The following SAE1 variants were observed in gnomAD, a reference collection of about 807,000 sequenced individuals.
The protein encoded by SAE1 is SUMO1 activating enzyme subunit 1, also known as SUMO-activating enzyme subunit 1.
Under a neutral mutation model 40.6 loss-of-function variants are expected in SAE1, and 11 were observed. The observed-to-expected ratio is 0.27, with a 90% CI of 0.17 to 0.45. The LOEUF (loss-of-function observed/expected upper bound fraction) is 0.45. Among genes scored for constraint, SAE1 ranks in the 20% least tolerant of loss-of-function variants. SAE1 has a pLI of 1.00. For missense variants in SAE1, 373 were observed against 427.3 expected (o/e 0.87, Z 1.12); for synonymous variants, 155 against 154.3 (o/e 1.00, Z -0.03).
chr19:47,201,305 C>T (rs1163328043), intron 7 of SAE1, among the ~76,000 whole-genome samples: 1 of 144,414 alleles, frequency 6.9e-6, no homozygotes, highest in African/African-American at 2.6e-5. Flanking sequence ...GCTTGGCCTC[C>T]GAAAGTGCTG....
chr19:47,186,538 C>A (rs1455542805), intron 6 of SAE1, among the ~76,000 whole-genome samples: 1 of 152,088 alleles, frequency 6.6e-6, no homozygotes, highest in Non-Finnish European at 1.5e-5. Context: ...GGGTGCAGGT[C>A]CCTCAGCCTT....
At chr19:47,135,905 G>A (rs1407306159) in intron 1 of SAE1, among the ~76,000 whole-genome samples, 4 of 152,056 alleles carry the variant, frequency 2.6e-5, no homozygotes, top group South Asian at 4.1e-4. Context: ...CCAGGTTCAC[G>A]CCATTCTCCT....
chr19:47,178,195 G>A (rs2058482702), intron 6 of SAE1, among the ~76,000 whole-genome samples: 2 of 143,204 alleles, frequency 1.4e-5, no homozygotes, highest in Non-Finnish European at 3.1e-5. Context: ...GTGAGCTGAG[G>A]TCGCGCCACT....
intron 1 of SAE1, among the ~76,000 whole-genome samples, chr19:47,139,405 C>T (rs925494757): frequency 2.6e-5 from 4 of 151,852 alleles, no homozygotes; most frequent in South Asian, 2.1e-4. Flanking sequence ...AGGCTGGTTT[C>T]GAACTCATGG....
At chr19:47,207,035 C>G (rs2058690134) in intron 8 of SAE1, among the ~76,000 whole-genome samples, 1 of 152,080 alleles carries the variant, frequency 6.6e-6, no homozygotes, top group Non-Finnish European at 1.5e-5. Context: ...GTAGCTCATG[C>G]CTGTAATTCC....
At chr19:47,151,860 T>A (rs1032313454) in intron 3 of SAE1, among the ~76,000 whole-genome samples, 1 of 152,248 alleles carries the variant, frequency 6.6e-6, no homozygotes, top group Non-Finnish European at 1.5e-5. Context: ...GTGTAATGCG[T>A]GTGCATGGGG....
chr19:47,192,010 C>A (rs1292061386), intron 6 of SAE1, among the ~76,000 whole-genome samples: 5 of 149,928 alleles, frequency 3.3e-5, no homozygotes, highest in African/African-American at 1.2e-4. Flanking sequence ...GCCGAGATCG[C>A]GCCACCGCAC....
chr19:47,186,815 G>A (rs971928305), intron 6 of SAE1, among the ~76,000 whole-genome samples: 23 of 152,076 alleles, frequency 1.5e-4, no homozygotes, highest in Non-Finnish European at 5.9e-5. Flanking sequence ...ACAAAAAGGG[G>A]CATTTCAGAG....
At chr19:47,196,256 C>G (rs527781388) in intron 6 of SAE1, among the ~76,000 whole-genome samples, 1 of 142,944 alleles carries the variant, frequency 7.0e-6, no homozygotes, top group African/African-American at 2.6e-5. Flanking sequence ...AGGCTGGTCT[C>G]AAACTCCTGA....
At chr19:47,208,990 C>G (rs1474440926) in intron 8 of SAE1, among the ~76,000 whole-genome samples, 169 bp from the exon 9 acceptor site, 1 of 152,158 alleles carries the variant, frequency 6.6e-6, no homozygotes, top group Non-Finnish European at 1.5e-5. Flanking sequence ...AGGGACAGAG[C>G]AAGGAGATAG....
chr19:47,196,109 G>T (rs1198741487), intron 6 of SAE1, among the ~76,000 whole-genome samples: 11 of 146,768 alleles, frequency 7.5e-5, no homozygotes, highest in Non-Finnish European at 1.5e-4. Flanking sequence ...GCAGTGGCAC[G>T]ATCTTGGCTC....
chr19:47,135,455 C>CACTTA (rs747926192), intron 1 of SAE1: 3 of 152,088 alleles, frequency 2.0e-5, no homozygotes, highest in Non-Finnish European at 4.4e-5. Context: ...TGATTTATTT[C>CACTTA]ACTTAACATA....
chr19:47,143,879 G>A (rs982525590), intron 2 of SAE1, among the ~76,000 whole-genome samples: 37 of 152,294 alleles, frequency 2.4e-4, no homozygotes, highest in African/African-American at 8.9e-4. Flanking sequence ...GTGGTTGCTT[G>A]TGAGGAGGTG....
intron 1 of SAE1, among the ~76,000 whole-genome samples, chr19:47,132,654 G>A (rs184878398): frequency 1.8e-4 from 27 of 152,070 alleles, no homozygotes; most frequent in Admixed American, 1.6e-3. Flanking sequence ...AGCTGAGTTG[G>A]GGGGAGGGGA....
At chr19:47,136,902 C>G (rs1490600954) in intron 1 of SAE1, among the ~76,000 whole-genome samples, 1 of 151,954 alleles carries the variant, frequency 6.6e-6, no homozygotes, top group African/African-American at 2.4e-5. Context: ...TAAGAGGGCT[C>G]TAGGTGGGAT....
intron 6 of SAE1, among the ~76,000 whole-genome samples, chr19:47,195,055 CT>C (rs796120464): frequency 1.8e-3 from 244 of 135,374 alleles, no homozygotes; most frequent in Middle Eastern, 0.012. Context: ...CCTGGCCAGT[CT>C]TTTTTTTTTT....
chr19:47,166,453 T>G (rs914790065), intron 5 of SAE1, among the ~76,000 whole-genome samples: 1 of 152,192 alleles, frequency 6.6e-6, no homozygotes, highest in Non-Finnish European at 1.5e-5. Flanking sequence ...TAACTAAATA[T>G]GTAGACATCA....
chr19:47,165,066 T>G (rs1352453260), intron 5 of SAE1, among the ~76,000 whole-genome samples: 1 of 144,578 alleles, frequency 6.9e-6, no homozygotes, highest in Admixed American at 7.1e-5. Flanking sequence ...ATTACAGGCA[T>G]GAGCCAAGTC....
intron 6 of SAE1, among the ~76,000 whole-genome samples, chr19:47,183,650 A>G (rs2058525215): frequency 6.6e-6 from 1 of 151,726 alleles, no homozygotes. Context: ...TCCCCCACCC[A>G]CTTGGCAGTA....
Sources: allele counts gnomAD v4.1 joint callset (sites outside exome capture counted in the v4.1 genomes callset), GRCh38; gene constraint gnomAD v4.1.1; transcripts MANE v1.5; gene names NCBI Gene and HGNC (gene_info 2026-07-23, HGNC 2026-07-21).